Variants in SND1 observed in about 807,000 individuals in gnomAD.
SND1 encodes staphylococcal nuclease and tudor domain containing 1.
A neutral mutation model predicts 121.7 loss-of-function variants in SND1; 38 were observed. The observed-to-expected ratio is 0.31, with a 90% CI of 0.24 to 0.41. The LOEUF (loss-of-function observed/expected upper bound fraction) is 0.41, where lower values mean the gene tolerates loss of function less well. SND1 is among the 10% of genes least tolerant of loss of function. The pLI is 1.00. For missense variants in SND1, 868 were observed against 1,184.6 expected (o/e 0.73, Z 3.92); for synonymous variants, 401 against 447.4 (o/e 0.90, Z 1.31).
chr7:127,706,189 T>TG (rs1357169922), intron 8 of SND1, among the ~76,000 whole-genome samples: 23 of 152,108 alleles, frequency 1.5e-4, no homozygotes, highest in African/African-American at 5.6e-4. Flanking sequence ...AGAATCCTGT[T>TG]ATGTTCATTA....
intron 10 of SND1, among the ~76,000 whole-genome samples, chr7:127,735,934 C>G (rs753504823): frequency 6.6e-6 from 1 of 152,102 alleles, no homozygotes; most frequent in Non-Finnish European, 1.5e-5. Context: ...CCAGCCTGAC[C>G]TGTATCTTTT....
chr7:127,697,719 G>A (rs1562982133), intron 3 of SND1, among the ~76,000 whole-genome samples: 1 of 152,198 alleles, frequency 6.6e-6, no homozygotes, highest in Non-Finnish European at 1.5e-5. Context: ...TAGGAAAAGA[G>A]GCTTAAGATT....
chr7:127,880,427 G>T lies in SND1; in HGVS notation c.1344-7475G>T, dbSNP rs186845794. 1.6e-3 allele frequency among the ~76,000 whole-genome samples: 236 copies of T among 152,192 alleles called. 1 individual carries two copies. Among genetic ancestry groups the T allele is most frequent in the Non-Finnish European group, 2.9e-3 (197 of 67,984 alleles). On this transcript the variant is annotated intron_variant, in intron 12 of 23. Transcript: ENST00000354725. ...TTCTTGCGGATAAGGAGGGACTACT[G>T]TATTATGGATATACTACCCTATTAA... is the stretch of plus-strand genomic sequence containing the variant.
chr7:127,675,448 T>C (rs1362381669), intron 1 of SND1, among the ~76,000 whole-genome samples: 2 of 152,198 alleles, frequency 1.3e-5, no homozygotes, highest in East Asian at 3.8e-4. Flanking sequence ...TTAGTATCGT[T>C]ATTCAAGAAA....
chr7:127,809,478 A>G (rs1323416242), intron 11 of SND1, among the ~76,000 whole-genome samples: 3 of 152,056 alleles, frequency 2.0e-5, no homozygotes, highest in Non-Finnish European at 4.4e-5. Flanking sequence ...ACACCCATGT[A>G]CTCTGGCGTC....
chr7:127,882,723 G>A (rs1799816830), intron 12 of SND1, among the ~76,000 whole-genome samples: 1 of 152,108 alleles, frequency 6.6e-6, no homozygotes, highest in Admixed American at 6.6e-5. Context: ...ATTTTCCCCT[G>A]GCTACAGATG....
intron 15 of SND1, among the ~76,000 whole-genome samples, chr7:127,977,382 A>G (rs1802145566): frequency 6.6e-6 from 1 of 152,252 alleles, no homozygotes; most frequent in Non-Finnish European, 1.5e-5. Context: ...AGTCTCTTCA[A>G]ATATTTGAAA....
chr7:128,074,799 C>T (rs981960998), intron 17 of SND1, 109 bp downstream of exon 17: 2 of 1,115,256 alleles, frequency 1.8e-6, no homozygotes, highest in Non-Finnish European at 2.5e-6. Flanking sequence ...CACAGAGTAG[C>T]CCAGGAAGGT....
In SND1 at chr7:127,670,834, T is replaced by TA. The variant is rs930807697; in HGVS notation, c.79-15765dup. Among the ~76,000 whole-genome samples, 402 of 137,456 alleles carry TA rather than the reference T, an allele frequency of 2.9e-3. 1 individual carries two copies. Among genetic ancestry groups the TA allele is most frequent in the South Asian group, 0.018 (79 of 4,320 alleles). The allele number at this position is 137,456 out of a possible 152,430, so 90.2% of individuals were successfully genotyped here. ...GCCATAGATCACGTTTATATGCAAT[T>TA]AAAAAAAAAAAAAACCATGAGATAA... is the stretch of plus-strand genomic sequence containing the variant. On this transcript the variant is annotated intron_variant, in intron 1 of 23. Coordinates refer to ENST00000354725, the MANE Select transcript of SND1 (RefSeq NM_014390.4).
chr7:128,044,423 G>T (rs1383030960), intron 16 of SND1, among the ~76,000 whole-genome samples: 1 of 152,126 alleles, frequency 6.6e-6, no homozygotes, highest in African/African-American at 2.4e-5. Context: ...GGTAAGATGA[G>T]CAGAAAATCT....
intron 11 of SND1, among the ~76,000 whole-genome samples, chr7:127,839,821 A>G (rs908796174): frequency 1.3e-5 from 2 of 152,192 alleles, no homozygotes; most frequent in African/African-American, 2.4e-5. Flanking sequence ...GGCTTGCTTC[A>G]TCTTTCATGG....
intron 11 of SND1, among the ~76,000 whole-genome samples, chr7:127,813,979 C>T (rs1274613886): frequency 6.6e-6 from 1 of 152,318 alleles, no homozygotes; most frequent in Non-Finnish European, 1.5e-5. Flanking sequence ...TCCGTATGCT[C>T]ACCTGAGGGA....
intron 1 of SND1, among the ~76,000 whole-genome samples, chr7:127,677,255 A>G (rs1315068531): frequency 1.3e-5 from 2 of 152,220 alleles, no homozygotes; most frequent in African/African-American, 4.8e-5. Context: ...TCAGCAACAG[A>G]TTGACAAACT....
intron 12 of SND1, among the ~76,000 whole-genome samples, chr7:127,875,834 A>AG (rs1799678809): frequency 6.6e-6 from 1 of 152,126 alleles, no homozygotes; most frequent in African/African-American, 2.4e-5. Flanking sequence ...TTCAGATTAT[A>AG]GGTTGGACAA....
intron 8 of SND1, 23 bp downstream of exon 8, chr7:127,704,968 T>C: frequency 6.3e-7 from 1 of 1,581,244 alleles, no homozygotes; most frequent in Non-Finnish European, 8.7e-7. Context: ...CAAGAGGCCT[T>C]CCAGCTGTGG....
intron 16 of SND1, among the ~76,000 whole-genome samples, chr7:128,031,788 G>A (rs1434092813): frequency 2.1e-5 from 3 of 143,172 alleles, no homozygotes; most frequent in Non-Finnish European, 4.6e-5. Flanking sequence ...GTCGCCGCCC[G>A]CCGCTGCCCG....
intron 9 of SND1, among the ~76,000 whole-genome samples, chr7:127,719,233 G>A (rs1396964639): frequency 2.6e-5 from 4 of 151,972 alleles, no homozygotes; most frequent in Non-Finnish European, 5.9e-5. Flanking sequence ...CTTTCTTTTT[G>A]GTCAATTGTC....
At chr7:127,818,108 A>T (rs1258667364) in intron 11 of SND1, among the ~76,000 whole-genome samples, 1 of 152,174 alleles carries the variant, frequency 6.6e-6, no homozygotes, top group African/African-American at 2.4e-5. Context: ...ATACTGTTAT[A>T]TAATAATATA....
chr7:128,082,021 TA>T (rs1227901900), intron 18 of SND1: 1 of 525,734 alleles, frequency 1.9e-6, no homozygotes, highest in Middle Eastern at 4.4e-4. Flanking sequence ...GGCAGCGCTC[TA>T]GGGGAAGACA....
Sources: gnomAD v4.1 joint callset for allele counts (sites outside exome capture counted in the v4.1 genomes callset) on GRCh38, gnomAD v4.1.1 for gene constraint, MANE v1.5 for transcripts, NCBI Gene and HGNC (gene_info 2026-07-23, HGNC 2026-07-21) for gene names.